C11orf65: variants seen among roughly 807,000 people sequenced by gnomAD.
The protein encoded by C11orf65 is protein MFI.
Under a neutral mutation model 35.3 loss-of-function variants are expected in C11orf65, and 38 were observed. The observed-to-expected ratio is 1.08, with a 90% CI of 0.83 to 1.41. The LOEUF (loss-of-function observed/expected upper bound fraction) is 1.41, where lower values mean the gene tolerates loss of function less well. Ranked by LOEUF, C11orf65 falls within the 40% of genes most tolerant of loss-of-function variation. C11orf65 has a pLI of 0.00. For synonymous variants in C11orf65, 105 were observed against 114.4 expected (o/e 0.92, Z 0.53); for missense variants, 370 against 367.1 (o/e 1.01, Z -0.06).
intron 7 of C11orf65, among the ~76,000 whole-genome samples, chr11:108,390,325 G>GT (rs2092127229): frequency 6.6e-6 from 1 of 152,106 alleles, no homozygotes. Context: ...CACCCAGCCT[G>GT]TTTTTTGTTT....
intron 2 of C11orf65, chr11:108,365,538 A>G: frequency 6.2e-7 from 1 of 1,606,140 alleles, no homozygotes; most frequent in South Asian, 1.1e-5. Flanking sequence ...CCTTTCATTC[A>G]GCCTTTAGAA....
At chr11:108,353,944 G>A (rs2089540589) in intron 2 of C11orf65, 1 of 1,472,410 alleles carries the variant, frequency 6.8e-7, no homozygotes, top group African/African-American at 1.4e-5. Flanking sequence ...GGCTGGGCAT[G>A]GTTCTTTGCA....
Position 108,374,861 on chromosome 11 carries a change from G to T in C11orf65, c.226+18347C>A, listed in dbSNP as rs1253303555. 2.0e-5 allele frequency among the ~76,000 whole-genome samples: 3 copies of T among 152,304 alleles called. No individual in the cohort carries two copies. In the East Asian group the frequency reaches 5.8e-4, roughly 29 times the overall value. On this transcript the variant is annotated intron_variant, in intron 2 of 3. Transcript: ENST00000524755. Reference sequence around the variant, plus strand: ...GAATGCAGAAGCCTCAGGAGCTGATGCGATCAACTGGAAGAAAGGGTATCA... The same window carrying T: ...GAATGCAGAAGCCTCAGGAGCTGATTCGATCAACTGGAAGAAAGGGTATCA...
chr11:108,325,538 C>A (rs1591130210), intron 6 of C11orf65: 1 of 1,598,316 alleles, frequency 6.3e-7, no homozygotes, highest in Non-Finnish European at 8.6e-7. Flanking sequence ...CTTTCAAGAA[C>A]ACTCAGGTAA....
intron 6 of C11orf65, 60 bp downstream of exon 6, chr11:108,405,369 C>T: frequency 1.3e-6 from 2 of 1,569,764 alleles, no homozygotes; most frequent in Non-Finnish European, 1.7e-6. Context: ...TACCTCATTT[C>T]AAATTTGTTT....
chr11:108,326,639 T>C (rs1334593019), downstream of C11orf65, among the ~76,000 whole-genome samples: 2 of 152,198 alleles, frequency 1.3e-5, no homozygotes, highest in Non-Finnish European at 2.9e-5. Flanking sequence ...TTTGAAAATA[T>C]CACATCTAAT....
chr11:108,454,413 C>T (rs990933813), intron 2 of C11orf65, among the ~76,000 whole-genome samples: 10 of 151,816 alleles, frequency 6.6e-5, no homozygotes, highest in Admixed American at 1.3e-4. Context: ...ATTCTCCTGC[C>T]TCAGCCTTCC....
chr11:108,360,919 TC>T (rs2090655832), intron 2 of C11orf65, among the ~76,000 whole-genome samples: 1 of 105,370 alleles, frequency 9.5e-6, no homozygotes, highest in African/African-American at 4.0e-5. Context: ...CCACTCCTAT[TC>T]AACATAGTGT....
At position 108,326,220 on chromosome 11, in the gene C11orf65, G is replaced by T; in HGVS notation, c.641-17149C>A. On this transcript the variant is annotated intron_variant, in intron 6 of 6. Transcript: ENST00000525729. ...GATCAAGAAGTTGGATGCCAGCTGT[G>T]CAGCGGTTTGTTTTTTTTATTGGCT... 1 of 1,614,064 alleles carries T rather than the reference G, an allele frequency of 6.2e-7. No individual in the cohort carries two copies.
At chr11:108,416,716 A>C (rs2092737512) in intron 3 of C11orf65, among the ~76,000 whole-genome samples, 1 of 152,162 alleles carries the variant, frequency 6.6e-6, no homozygotes, top group Non-Finnish European at 1.5e-5. Flanking sequence ...AGATACCTCT[A>C]TACACCTTTT....
In C11orf65 at chr11:108,353,063, G is replaced by C. The variant is rs533056636; in HGVS notation, c.227-17771C>G. On this transcript the variant is annotated intron_variant, in intron 2 of 3. Transcript: ENST00000524755. ...AGTTTTGCAGGACATTACAGTTGGG[G>C]TGAAATGGGGAAAAGGCATAAGGGA... Among the ~76,000 whole-genome samples, 4 of 152,220 alleles carry C rather than the reference G, an allele frequency of 2.6e-5. No homozygotes were observed. The East Asian group carries it at 7.7e-4, about 29-fold the overall frequency.
intron 2 of C11orf65, among the ~76,000 whole-genome samples, chr11:108,443,755 T>C (rs1047040465): frequency 6.6e-6 from 1 of 152,154 alleles, no homozygotes; most frequent in Non-Finnish European, 1.5e-5. Flanking sequence ...GAAATAAAGA[T>C]GTTCTTTGAA....
chr11:108,458,355 C>CAAA lies in C11orf65; in HGVS notation c.81+3121_81+3123dup, dbSNP rs755107073. ...TGGGAGACAGAGCAAGACTCTGTCTCAAAAAAAAAAAAAAAAAAAAAAAGA... is the reference window on the plus strand; with the variant it reads ...TGGGAGACAGAGCAAGACTCTGTCTCAAAAAAAAAAAAAAAAAAAAAAAAAAGA... On this transcript the variant is annotated intron_variant, in intron 2 of 8. Transcript: ENST00000393084. Among the ~76,000 whole-genome samples the CAAA allele has an allele frequency of 2.6e-3, 91 of 35,446 alleles. 1 individual carries two copies. The highest frequency in any genetic ancestry group is 5.7e-3 in the African/African-American group (49 of 8,600). The allele number at this position is 35,446 out of a possible 152,430, so 23.3% of individuals were successfully genotyped here.
At chr11:108,397,236 C>T (rs1158881816) in intron 6 of C11orf65, among the ~76,000 whole-genome samples, 2 of 150,398 alleles carry the variant, frequency 1.3e-5, no homozygotes, top group Non-Finnish European at 2.9e-5. Context: ...CAGGAGAATG[C>T]TTGAACCCAG....
At chr11:108,391,714 A>C (rs971207048) in intron 7 of C11orf65, among the ~76,000 whole-genome samples, 1 of 151,186 alleles carries the variant, frequency 6.6e-6, no homozygotes, top group African/African-American at 2.4e-5. Flanking sequence ...TTGCCTCAGA[A>C]AGAGACCCTG....
downstream of C11orf65, among the ~76,000 whole-genome samples, chr11:108,328,529 A>G (rs910291608): frequency 1.3e-5 from 2 of 152,100 alleles, no homozygotes; most frequent in African/African-American, 4.8e-5. Flanking sequence ...TACAGGCTTG[A>G]GCCACCACAC....
intron 2 of C11orf65, among the ~76,000 whole-genome samples, chr11:108,439,571 A>T (rs1186165207): frequency 5.9e-5 from 9 of 152,248 alleles, no homozygotes; most frequent in African/African-American, 2.2e-4. Flanking sequence ...GAAATAGCCC[A>T]AATGTCCATT....
rs199915459 is a variant in C11orf65, at chr11:108,331,989, A to C, written c.300-422T>G. 134 of 1,614,098 alleles carry C rather than the reference A, an allele frequency of 8.3e-5. No individual in the cohort carries two copies. In the Admixed American group the frequency reaches 9.0e-4, roughly 11 times the overall value. On this transcript the variant is annotated intron_variant, in intron 3 of 3. Transcript: ENST00000524755. ...TGACTAAACCAGAGGTAGCCAGAAG[A>C]AGCAGAATAACTAAAAATGTGCCTA...
At chr11:108,320,727 G>C (rs2085141055) in intron 6 of C11orf65, among the ~76,000 whole-genome samples, 1 of 152,126 alleles carries the variant, frequency 6.6e-6, no homozygotes, top group African/African-American at 2.4e-5. Context: ...GTTGATCCTT[G>C]AACCACTTGG....
Sources: gnomAD v4.1 joint callset for allele counts (sites outside exome capture counted in the v4.1 genomes callset) on GRCh38, gnomAD v4.1.1 for gene constraint, MANE v1.5 for transcripts, NCBI Gene and HGNC (gene_info 2026-07-23, HGNC 2026-07-21) for gene names.